Variants in PACRGL observed in about 807,000 individuals in gnomAD.
The protein encoded by PACRGL is parkin coregulated like.
In PACRGL, 38 loss-of-function variants were observed where a neutral mutation model predicts 34.5. The ratio of observed to expected loss-of-function variants is 1.10; its 90% CI spans 0.85 to 1.44. PACRGL has a LOEUF of 1.44. PACRGL is among the 40% of genes most tolerant of loss of function. PACRGL has a pLI of 0.00. For missense variants in PACRGL, 305 were observed against 281.4 expected, an observed-to-expected ratio of 1.08 and a Z score of -0.60; for synonymous variants, 128 against 100.1, an observed-to-expected ratio of 1.28 and a Z score of -1.66.
chr4:20,732,288 A>G lies in PACRGL; in HGVS notation c.*4947A>G, dbSNP rs1748500639. ...TTTCAATATAATGTGGTGAAGATGT[A>G]GAGTCACTCTGTCCTAGGTAAAATC... On this transcript the variant is annotated 3_prime_UTR_variant, in exon 9 of 9. Coordinates refer to ENST00000503585, the MANE Select transcript of PACRGL (RefSeq NM_001258345.3). 6.6e-6 allele frequency among the ~76,000 whole-genome samples: 1 copy of G among 152,222 alleles called. No individual in the cohort carries two copies. Among genetic ancestry groups the G allele is most frequent in the African/African-American group, 2.4e-5 (1 of 41,464 alleles).
intron 6 of PACRGL, chr4:20,713,211 G>C (rs571000955): frequency 3.5e-6 from 2 of 569,802 alleles, no homozygotes; most frequent in East Asian, 2.9e-5. Flanking sequence ...ATATATTTTA[G>C]TTAATGCTTC....
downstream of PACRGL, chr4:20,732,628 C>G (rs1748602198): frequency 8.7e-7 from 1 of 1,153,184 alleles, no homozygotes; most frequent in Admixed American, 1.7e-5. Context: ...TGGCAAACAT[C>G]AGGAAATTTT....
chr4:20,733,054 G>C (rs1243158005), downstream of PACRGL, among the ~76,000 whole-genome samples: 1 of 152,166 alleles, frequency 6.6e-6, no homozygotes, highest in African/African-American at 2.4e-5. Context: ...GTCAGGAAAA[G>C]AATATGCTGG....
At chr4:20,707,912 T>A in intron 4 of PACRGL, 42 bp downstream of exon 4, 1 of 1,379,298 alleles carries the variant, frequency 7.3e-7, no homozygotes, top group Non-Finnish European at 1.0e-6. Context: ...TTATTCAAAA[T>A]CATTGAGTAA....
chr4:20,707,311 A>G (rs889845935), intron 3 of PACRGL, among the ~76,000 whole-genome samples: 9 of 152,194 alleles, frequency 5.9e-5, no homozygotes, highest in Admixed American at 4.6e-4. Flanking sequence ...AAATACATCC[A>G]GGCATATATT....
rs1553881372 is a variant in PACRGL at position 20,729,350 on chromosome 4, C to CTGTAAGAAAGATTG, written c.*2010_*2023dup. 2 of 152,078 alleles carry CTGTAAGAAAGATTG rather than the reference C, an allele frequency of 1.3e-5. No individual in the cohort carries two copies. The highest frequency in any genetic ancestry group is 1.9e-4 in the East Asian group (1 of 5,182). The allele number at this position is 152,078 out of a possible 1,614,324, so 9.4% of individuals were successfully genotyped here. A position where few individuals can be genotyped will look rare whatever the true frequency, so the allele number is the denominator to read the frequency against. On this transcript the variant is annotated 3_prime_UTR_variant, in exon 9 of 9. Coordinates refer to ENST00000503585, the MANE Select transcript of PACRGL (RefSeq NM_001258345.3). Reference sequence around the variant, plus strand: ...AATGATTGATACAATAGAAAACAGCCTGTAAGAAAGATTGAACAAATCCAA... The same window carrying CTGTAAGAAAGATTG: ...AATGATTGATACAATAGAAAACAGCCTGTAAGAAAGATTGTGTAAGAAAGATTGAACAAATCCAA...
At chr4:20,732,898 T>G (rs1748681443), downstream of PACRGL, 2 of 650,546 alleles carry the variant, frequency 3.1e-6, no homozygotes, top group South Asian at 3.9e-5. Flanking sequence ...TTTTGTTTGT[T>G]GGATTCTTTG....
chr4:20,749,067 A>G (rs953733603), intron 8 of PACRGL, among the ~76,000 whole-genome samples: 3 of 151,664 alleles, frequency 2.0e-5, no homozygotes, highest in Non-Finnish European at 4.4e-5. Context: ...CTGAGACAGG[A>G]GAATCACTTG....
intron 6 of PACRGL, 45 bp downstream of exon 6, chr4:20,712,967 G>C (rs1308399371): frequency 4.9e-6 from 7 of 1,437,482 alleles, no homozygotes; most frequent in Non-Finnish European, 3.7e-6. Context: ...AAACATGATA[G>C]AAAAGAAAGC....
At chr4:20,756,712 C>T (rs926719830), downstream of PACRGL, among the ~76,000 whole-genome samples, 3 of 152,030 alleles carry the variant, frequency 2.0e-5, no homozygotes, top group Non-Finnish European at 2.9e-5. Context: ...CAATGACTCC[C>T]ATGTTGCCAC....
downstream of PACRGL, among the ~76,000 whole-genome samples, chr4:20,756,091 T>G (rs1351122319): frequency 2.0e-5 from 3 of 151,782 alleles, no homozygotes; most frequent in Non-Finnish European, 4.4e-5. Flanking sequence ...GGAGGGGTCA[T>G]CAGAATCAGA....
chr4:20,740,897 CA>C (rs532853776), intron 8 of PACRGL, among the ~76,000 whole-genome samples: 23 of 149,728 alleles, frequency 1.5e-4, no homozygotes, highest in African/African-American at 3.9e-4. Context: ...AAATGGAAAA[CA>C]AAAAAAAAGC....
At chr4:20,748,565 TATA>T (rs1752893918) in intron 8 of PACRGL, among the ~76,000 whole-genome samples, 2 of 4,022 alleles carry the variant, frequency 5.0e-4, no homozygotes, top group African/African-American at 1.3e-3. Context: ...AAATTTTATA[TATA>T]TATATATATA....
At chr4:20,700,318 A>C (rs1731605299), upstream of PACRGL, 1 of 152,234 alleles carries the variant, frequency 6.6e-6, no homozygotes, top group Non-Finnish European at 1.5e-5. Context: ...CTGCCCCCTG[A>C]ACTCCTGGCG....
intron 7 of PACRGL, among the ~76,000 whole-genome samples, chr4:20,723,854 GA>G (rs141879365): frequency 6.6e-6 from 1 of 152,204 alleles, no homozygotes; most frequent in African/African-American, 2.4e-5. Context: ...TAGGTTGTGT[GA>G]GGGTTAGTTC....
At chr4:20,753,716 C>T (rs924762613), downstream of PACRGL, among the ~76,000 whole-genome samples, 1 of 151,426 alleles carries the variant, frequency 6.6e-6, no homozygotes, top group African/African-American at 2.4e-5. Flanking sequence ...TGTCAATAAG[C>T]CCTCTGTAAA....
intron 7 of PACRGL, among the ~76,000 whole-genome samples, chr4:20,716,609 T>C (rs1440100522): frequency 6.6e-6 from 1 of 152,202 alleles, no homozygotes; most frequent in Non-Finnish European, 1.5e-5. Flanking sequence ...TTGAGCTAGT[T>C]TGCTGAGAAT....
At chr4:20,749,767 T>A in intron 8 of PACRGL, 1 of 1,417,862 alleles carries the variant, frequency 7.1e-7, no homozygotes. Flanking sequence ...ATTAAGTCAG[T>A]GTTTCCATAT....
chr4:20,725,228 G>A (rs1326665913), intron 8 of PACRGL, among the ~76,000 whole-genome samples: 5 of 152,172 alleles, frequency 3.3e-5, no homozygotes, highest in Admixed American at 6.5e-5. Context: ...TCAGAAAACC[G>A]AACGATTAAC....
Sources: gnomAD v4.1 joint callset for allele counts (sites outside exome capture counted in the v4.1 genomes callset) on GRCh38, gnomAD v4.1.1 for gene constraint, MANE v1.5 for transcripts, NCBI Gene and HGNC (gene_info 2026-07-23, HGNC 2026-07-21) for gene names.